The following RGPD2 variants were observed in gnomAD, a reference collection of about 807,000 sequenced individuals.
RGPD2 encodes RANBP2-like and GRIP domain-containing protein 2.
A neutral mutation model predicts 36.0 loss-of-function variants in RGPD2; 2 were observed. The ratio of observed to expected loss-of-function variants is 0.06; its 90% confidence interval spans 0.02 to 0.17. The LOEUF (loss-of-function observed/expected upper bound fraction) is 0.17. Among genes scored for constraint, RGPD2 ranks in the 10% least tolerant of loss-of-function variants. The probability of loss-of-function intolerance (pLI) is 1.00; values close to 1 mark genes in which losing one functional copy is unlikely to be tolerated. For missense variants in RGPD2, 40 were observed against 464.3 expected, an observed-to-expected ratio of 0.09 and a Z score of 8.40; for synonymous variants, 19 against 163.8, an observed-to-expected ratio of 0.12 and a Z score of 6.75.
chr2:87,939,750 AAG>A, the RGPD2 span, among the ~76,000 whole-genome samples: 3 of 152,040 alleles, frequency 2.0e-5, no homozygotes, highest in East Asian at 5.8e-4. Flanking sequence ...GAGAGAGAGA[AAG>A]AGAGAGAACT....
chr2:87,852,898 A>C, the RGPD2 span, among the ~76,000 whole-genome samples: 4 of 152,198 alleles, frequency 2.6e-5, no homozygotes, highest in African/African-American at 9.6e-5. Context: ...CGTATTACAA[A>C]TTTTTTACAT....
intron 22 of RGPD2, among the ~76,000 whole-genome samples, chr2:87,759,360 A>C (rs1220468750): frequency 6.2e-5 from 1 of 16,008 alleles, no homozygotes; most frequent in African/African-American, 1.5e-4. Context: ...ATGTACAAAT[A>C]TAAAACTACA....
chr2:87,857,791 A>C, the RGPD2 span, among the ~76,000 whole-genome samples: 14 of 151,070 alleles, frequency 9.3e-5, no homozygotes, highest in Middle Eastern at 3.2e-3. Flanking sequence ...AAAAAAAAAA[A>C]AAAAAATTAG....
the RGPD2 span, among the ~76,000 whole-genome samples, chr2:87,935,267 C>T: frequency 6.7e-6 from 1 of 149,114 alleles, no homozygotes; most frequent in Non-Finnish European, 1.5e-5. Flanking sequence ...GTATCTGCCT[C>T]TATCTTTCCG....
At chr2:87,802,555 CATT>C (rs1469161333) in intron 7 of RGPD2, among the ~76,000 whole-genome samples, 1 of 144,388 alleles carries the variant, frequency 6.9e-6, no homozygotes, top group Non-Finnish European at 1.5e-5. Flanking sequence ...AAAGCAATAA[CATT>C]AGTTTCTTTG....
chr2:87,957,251 A>C, the RGPD2 span, among the ~76,000 whole-genome samples: 1 of 139,396 alleles, frequency 7.2e-6, no homozygotes, highest in African/African-American at 2.8e-5. Context: ...GGGGGCTCTC[A>C]TTATGAGATT....
At chr2:87,934,612 T>C in the RGPD2 span, among the ~76,000 whole-genome samples, 1 of 151,542 alleles carries the variant, frequency 6.6e-6, no homozygotes, top group Non-Finnish European at 1.5e-5. Context: ...CATATGTGTG[T>C]GCATGTATAC....
At chr2:87,839,441 A>G in the RGPD2 span, among the ~76,000 whole-genome samples, 112 of 152,210 alleles carry the variant, frequency 7.4e-4, 1 homozygote, top group East Asian at 3.1e-3. Flanking sequence ...TATATACCCA[A>G]TGGAATATAA....
chr2:87,857,393 G>A, the RGPD2 span, among the ~76,000 whole-genome samples: 160 of 151,060 alleles, frequency 1.1e-3, no homozygotes, highest in East Asian at 0.013. Context: ...CCCAGGCTGG[G>A]GTGCAGTGGT....
chr2:87,988,541 A>ATATATATATATTTTTTT, the RGPD2 span, among the ~76,000 whole-genome samples: 6 of 54,142 alleles, frequency 1.1e-4, no homozygotes, highest in Non-Finnish European at 2.1e-4. Context: ...ATATATATAT[A>ATATATATATATTTTTTT]TTTTTTTTTT....
At chr2:87,973,025 C>T in the RGPD2 span, 6 of 1,595,776 alleles carry the variant, frequency 3.8e-6, no homozygotes, top group Admixed American at 5.0e-5. Flanking sequence ...CACCTTCAAG[C>T]CCCCAGCCTA....
At chr2:87,964,816 T>TTTATTTA in the RGPD2 span, among the ~76,000 whole-genome samples, 51 of 78,800 alleles carry the variant, frequency 6.5e-4, no homozygotes, top group African/African-American at 1.7e-3. Context: ...TATTTATTTA[T>TTTATTTA]TTTTCTTTTT....
At chr2:87,872,617 A>G in the RGPD2 span, among the ~76,000 whole-genome samples, 1 of 151,170 alleles carries the variant, frequency 6.6e-6, no homozygotes, top group African/African-American at 2.5e-5. Context: ...AGATCATCCC[A>G]TCACCTAGGT....
intron 1 of RGPD2, 23 bp downstream of exon 1, chr2:87,825,635 C>CGA (rs1332798431): frequency 4.5e-6 from 7 of 1,540,162 alleles, no homozygotes; most frequent in African/African-American, 4.1e-5. Flanking sequence ...TCGAGGCCGT[C>CGA]GGTCTCTTCG....
chr2:87,951,505 T>C, the RGPD2 span, among the ~76,000 whole-genome samples: 2 of 152,188 alleles, frequency 1.3e-5, no homozygotes, highest in Non-Finnish European at 2.9e-5. Flanking sequence ...AAAACGTTTT[T>C]GAAATTTAGT....
At chr2:87,841,881 C>A in the RGPD2 span, among the ~76,000 whole-genome samples, 1 of 143,532 alleles carries the variant, frequency 7.0e-6, no homozygotes, top group African/African-American at 2.6e-5. Flanking sequence ...AGGCTTCATC[C>A]CTGGGATGCA....
the RGPD2 span, among the ~76,000 whole-genome samples, chr2:87,852,911 A>G: frequency 1.2e-4 from 18 of 152,168 alleles, no homozygotes; most frequent in Non-Finnish European, 5.9e-5. Context: ...TTTTACATTT[A>G]TTGTCTGATT....
the RGPD2 span, chr2:87,968,697 G>A: frequency 2.8e-4 from 64 of 224,928 alleles, no homozygotes; most frequent in East Asian, 1.2e-3. Context: ...CCCAGCGGGC[G>A]CAAGCCAAGT....
the RGPD2 span, among the ~76,000 whole-genome samples, chr2:87,947,925 T>A: frequency 6.6e-6 from 1 of 151,718 alleles, no homozygotes; most frequent in African/African-American, 2.4e-5. Context: ...TGGCTACCCG[T>A]TCGGGACCCC....
Sources: allele counts gnomAD v4.1 joint callset (sites outside exome capture counted in the v4.1 genomes callset), GRCh38; gene constraint gnomAD v4.1.1; transcripts MANE v1.5; gene names NCBI Gene and HGNC (gene_info 2026-07-23, HGNC 2026-07-21).